The following PTGR2 variants were observed in gnomAD, a reference collection of about 807,000 sequenced individuals.
The protein encoded by PTGR2 is prostaglandin reductase 2, also known as 15-oxoprostaglandin 13-reductase.
In PTGR2, 32 loss-of-function variants were observed where a neutral mutation model predicts 43.4. The observed-to-expected ratio is 0.74, with a 90% CI of 0.56 to 0.99. PTGR2 has a LOEUF of 0.99. Among genes scored for constraint, PTGR2 ranks in the 50% least tolerant of loss-of-function variants. The probability of loss-of-function intolerance (pLI) is 0.00; values close to 1 mark genes in which losing one functional copy is unlikely to be tolerated. For missense variants in PTGR2, 373 were observed against 420.0 expected, an observed-to-expected ratio of 0.89 and a Z score of 0.98; for synonymous variants, 106 against 139.2, an observed-to-expected ratio of 0.76 and a Z score of 1.68.
intron 7 of PTGR2, among the ~76,000 whole-genome samples, chr14:73,880,524 A>G (rs901415221): frequency 6.6e-6 from 1 of 151,672 alleles, no homozygotes; most frequent in African/African-American, 2.4e-5. Flanking sequence ...GCAGTGAGCC[A>G]AAATCATGCC....
chr14:73,873,897 A>G (rs1214786628), intron 3 of PTGR2, 126 bp from the exon 4 acceptor site: 1 of 630,176 alleles, frequency 1.6e-6, no homozygotes, highest in East Asian at 3.0e-5. Flanking sequence ...TCTTGAATGT[A>G]TTTTGAGTTG....
chr14:73,878,987 T>G, intron 5 of PTGR2, 109 bp from the exon 6 acceptor site: 1 of 873,288 alleles, frequency 1.1e-6, no homozygotes, highest in Non-Finnish European at 1.8e-6. Flanking sequence ...TAATCTAACC[T>G]TAATTGTAAT....
intron 2 of PTGR2, 36 bp from the exon 3 acceptor site, chr14:73,860,503 C>CT: frequency 2.7e-6 from 3 of 1,101,282 alleles, no homozygotes; most frequent in South Asian, 1.4e-5. Flanking sequence ...AGCAAAGTGG[C>CT]TTTTTTTAAC....
rs2055108689 is a variant in PTGR2 at position 73,885,482 on chromosome 14, T to A, written c.*1305T>A. 1 of 152,240 alleles carries A rather than the reference T, an allele frequency of 6.6e-6. No individual in the cohort carries two copies. The highest frequency in any genetic ancestry group is 2.4e-5 in the African/African-American group (1 of 41,468). 9.4% of individuals were successfully genotyped at this position (152,240 alleles called of 1,614,324 possible). On this transcript the variant is annotated 3_prime_UTR_variant, in exon 10 of 10. Coordinates refer to ENST00000555661, the MANE Select transcript of PTGR2 (RefSeq NM_001146154.2). ...GTTTCTGAATGTTTTGGCTTATGAT[T>A]GTCTACACACTGCCAATATACTTTT...
chr14:73,852,791 A>C (rs2140222920), intron 1 of PTGR2, among the ~76,000 whole-genome samples: 1 of 152,020 alleles, frequency 6.6e-6, no homozygotes, highest in African/African-American at 2.4e-5. Context: ...GAAGGGGAGG[A>C]GAAGACTGGC....
chr14:73,856,013 G>A (rs8013471), intron 1 of PTGR2, among the ~76,000 whole-genome samples: 72,477 of 150,152 alleles, frequency 0.48, 17,851 homozygotes, highest in South Asian at 0.61. Context: ...CTGAGATTGC[G>A]CCACTGCACT....
chr14:73,875,519 T>C (rs914920713), intron 4 of PTGR2, among the ~76,000 whole-genome samples: 1 of 152,094 alleles, frequency 6.6e-6, no homozygotes, highest in Admixed American at 6.5e-5. Flanking sequence ...CTAATTTTTG[T>C]ATTTTTAGTA....
intron 9 of PTGR2, 72 bp downstream of exon 9, chr14:73,882,510 T>C: frequency 6.3e-6 from 7 of 1,111,520 alleles, no homozygotes; most frequent in Non-Finnish European, 9.3e-6. Context: ...TTTTTATTTA[T>C]TTATTTTTGA....
intron 1 of PTGR2, among the ~76,000 whole-genome samples, chr14:73,852,340 C>T (rs1188378848): frequency 1.3e-5 from 2 of 152,192 alleles, no homozygotes; most frequent in African/African-American, 4.8e-5. Flanking sequence ...CGGCTCACTG[C>T]AGCCTCCATC....
chr14:73,882,343 T>C, intron 8 of PTGR2, 56 bp from the exon 9 acceptor site: 1 of 1,069,580 alleles, frequency 9.3e-7, no homozygotes, highest in Admixed American at 2.0e-5. Flanking sequence ...ATGGAAACTA[T>C]CATATAGAAA....
chr14:73,871,892 A>G (rs538194712), intron 3 of PTGR2, among the ~76,000 whole-genome samples: 1 of 152,164 alleles, frequency 6.6e-6, no homozygotes, highest in African/African-American at 2.4e-5. Context: ...GCCAGTGTCT[A>G]TGGCTGCACT....
In PTGR2 at chr14:73,853,430, C is replaced by T. The variant is rs533646746; in HGVS notation, c.-48+1487C>T. 1.9e-3 allele frequency among the ~76,000 whole-genome samples: 290 copies of T among 152,014 alleles called. 2 individuals are homozygous for T. The highest frequency in any genetic ancestry group is 3.4e-3 in the Middle Eastern group (1 of 292). On this transcript the variant is annotated intron_variant, in intron 1 of 9. Transcript: ENST00000555661. ...CTCCACCTCCCGGTTTAAAGCGATT[C>T]CCCAGCCTCAGCCTCCAGAGTAGCT... is the stretch of plus-strand genomic sequence containing the variant.
chr14:73,866,358 T>C (rs1219927641), intron 3 of PTGR2, among the ~76,000 whole-genome samples: 1 of 151,238 alleles, frequency 6.6e-6, no homozygotes, highest in Non-Finnish European at 1.5e-5. Context: ...AGGATGGTCT[T>C]GATCTCCTAA....
intron 2 of PTGR2, among the ~76,000 whole-genome samples, chr14:73,859,713 T>A (rs562865785): frequency 1.3e-5 from 2 of 151,978 alleles, no homozygotes; most frequent in East Asian, 3.9e-4. Flanking sequence ...TAAGTTTCTA[T>A]TTGCTTCTTA....
At chr14:73,877,929 G>A (rs2054900310) in intron 5 of PTGR2, 1 of 152,182 alleles carries the variant, frequency 6.6e-6, no homozygotes, top group Non-Finnish European at 1.5e-5. Flanking sequence ...AGGCCAACTT[G>A]GCAGGATTAC....
chr14:73,872,262 G>A (rs979992425), intron 3 of PTGR2, among the ~76,000 whole-genome samples: 4 of 152,192 alleles, frequency 2.6e-5, no homozygotes, highest in African/African-American at 9.7e-5. Context: ...GAAATAGGGA[G>A]CGTACTTGGT....
At position 73,855,786 on chromosome 14, in the gene PTGR2, G is replaced by A. The variant is rs1394110625; in HGVS notation, c.-47-3030G>A. 2.0e-5 allele frequency among the ~76,000 whole-genome samples: 3 copies of A among 150,364 alleles called. No individual in the cohort carries two copies. The South Asian group carries it at 6.3e-4, about 32-fold the overall frequency. On this transcript the variant is annotated intron_variant, in intron 1 of 9. Transcript: ENST00000555661. The stretch of plus-strand genomic sequence containing the variant: ...TAAGAAATTTAGTGGGGCCGGGCGC[G>A]GTGGCTCATGCCTGTAATCCCAGCA...
At chr14:73,856,677 G>A (rs11628412) in intron 1 of PTGR2, among the ~76,000 whole-genome samples, 2 of 151,588 alleles carry the variant, frequency 1.3e-5, no homozygotes, top group Non-Finnish European at 1.5e-5. Context: ...GGTTTGTACC[G>A]TAGAAGTTAT....
chr14:73,876,878 T>A (rs1305948573), intron 4 of PTGR2, 120 bp from the exon 5 acceptor site: 3 of 665,268 alleles, frequency 4.5e-6, no homozygotes, highest in Non-Finnish European at 7.6e-6. Flanking sequence ...ACACTGGGGC[T>A]TAGGGCTTTA....
Sources: allele counts gnomAD v4.1 joint callset (sites outside exome capture counted in the v4.1 genomes callset), GRCh38; gene constraint gnomAD v4.1.1; transcripts MANE v1.5; gene names NCBI Gene and HGNC (gene_info 2026-07-23, HGNC 2026-07-21).